The following NELL1 variants were observed in gnomAD, a reference collection of about 807,000 sequenced individuals.
NELL1 encodes the protein protein kinase C-binding protein NELL1.
In NELL1, 76 loss-of-function variants were observed where a neutral mutation model predicts 107.4. The ratio of observed to expected loss-of-function variants is 0.71; its 90% CI spans 0.59 to 0.86. NELL1 has a LOEUF of 0.86. Ranked by LOEUF, NELL1 falls within the 40% of genes least tolerant of loss-of-function variation. NELL1 has a pLI of 0.00. For missense variants in NELL1, 1,024 were observed against 1,005.5 expected (o/e 1.02, Z -0.25); for synonymous variants, 353 against 341.2 (o/e 1.03, Z -0.38).
At chr11:21,230,038 C>G (rs1366926483) in intron 14 of NELL1, among the ~76,000 whole-genome samples, 2 of 152,184 alleles carry the variant, frequency 1.3e-5, no homozygotes, top group Non-Finnish European at 2.9e-5. Context: ...CCTACTGGGT[C>G]CCTGTTATTC....
At chr11:21,248,695 A>G (rs559225190) in intron 14 of NELL1, among the ~76,000 whole-genome samples, 38 of 152,224 alleles carry the variant, frequency 2.5e-4, no homozygotes, top group African/African-American at 7.9e-4. Flanking sequence ...ATGTTTCTCG[A>G]TTTCCTTCTG....
intron 13 of NELL1, among the ~76,000 whole-genome samples, chr11:21,166,263 G>T (rs1856479659): frequency 6.6e-6 from 1 of 151,616 alleles, no homozygotes; most frequent in African/African-American, 2.4e-5. Flanking sequence ...TGAGAAAAGG[G>T]GATGGTTATA....
At chr11:20,973,817 T>G (rs1851550394) in intron 12 of NELL1, among the ~76,000 whole-genome samples, 1 of 152,218 alleles carries the variant, frequency 6.6e-6, no homozygotes, top group South Asian at 2.1e-4. Context: ...TCCCATTCAT[T>G]TCTGGATCTT....
intron 12 of NELL1, among the ~76,000 whole-genome samples, chr11:21,097,948 A>C (rs1854690709): frequency 6.6e-6 from 1 of 151,846 alleles, no homozygotes; most frequent in Non-Finnish European, 1.5e-5. Context: ...AGAAAGAAAA[A>C]CATTTTTAAA....
intron 12 of NELL1, among the ~76,000 whole-genome samples, chr11:20,962,941 A>G (rs1233607261): frequency 1.3e-5 from 2 of 152,198 alleles, no homozygotes; most frequent in Non-Finnish European, 2.9e-5. Flanking sequence ...ATGTAGGAAC[A>G]TAGCTCATGG....
intron 7 of NELL1, among the ~76,000 whole-genome samples, chr11:20,921,846 C>T (rs1448008291): frequency 1.4e-5 from 2 of 144,446 alleles, no homozygotes; most frequent in South Asian, 4.5e-4. Flanking sequence ...ACGCTTTTGG[C>T]TATGAGCTGC....
chr11:21,161,944 CTT>C (rs34422649), intron 13 of NELL1, among the ~76,000 whole-genome samples: 4 of 83,062 alleles, frequency 4.8e-5, no homozygotes, highest in African/African-American at 1.9e-4. Context: ...GGAACATAAT[CTT>C]TTTTTTTTTT....
At chr11:21,306,653 A>C (rs1849611003) in intron 14 of NELL1, among the ~76,000 whole-genome samples, 1 of 151,932 alleles carries the variant, frequency 6.6e-6, no homozygotes, top group African/African-American at 2.4e-5. Context: ...CATCAACTTC[A>C]CCTAATAAAT....
intron 12 of NELL1, among the ~76,000 whole-genome samples, chr11:21,016,903 A>C (rs1852578123): frequency 6.6e-6 from 1 of 152,232 alleles, no homozygotes; most frequent in East Asian, 1.9e-4. Flanking sequence ...TGCAAAGTCC[A>C]AAATCCTGGC....
chr11:21,438,419 T>C (rs1286919592), intron 15 of NELL1, among the ~76,000 whole-genome samples: 3 of 152,218 alleles, frequency 2.0e-5, no homozygotes, highest in Non-Finnish European at 2.9e-5. Context: ...TGTTACAGTT[T>C]GACCGAACTG....
chr11:21,369,711 C>T (rs1196143082), intron 14 of NELL1, among the ~76,000 whole-genome samples: 3 of 151,976 alleles, frequency 2.0e-5, no homozygotes, highest in African/African-American at 7.2e-5. Flanking sequence ...AACATTTGCT[C>T]ACCTATCTTT....
intron 12 of NELL1, among the ~76,000 whole-genome samples, chr11:21,081,859 A>T (rs1854277533): frequency 6.6e-6 from 1 of 152,154 alleles, no homozygotes; most frequent in Admixed American, 6.6e-5. Context: ...TATGAAGGTT[A>T]TCTCATTTAT....
rs140892609 is a variant in NELL1 at position 21,372,752 on chromosome 11, G to GT, written c.1645+1805dup. On this transcript the variant is annotated intron_variant, in intron 15 of 19. Coordinates refer to ENST00000357134, the MANE Select transcript of NELL1 (RefSeq NM_006157.5). The stretch of plus-strand genomic sequence containing the variant: ...AGGATATTTAACCATAGCAACTACT[G>GT]TAACATTCTTATTTTTTTACATTAG... 5.6e-3 allele frequency among the ~76,000 whole-genome samples: 848 copies of GT among 152,082 alleles called. 10 individuals carry two copies. Among genetic ancestry groups the GT allele is most frequent in the African/African-American group, 0.019 (802 of 41,510 alleles).
intron 3 of NELL1, among the ~76,000 whole-genome samples, chr11:20,828,268 C>T (rs191311289): frequency 2.6e-4 from 40 of 151,412 alleles, no homozygotes; most frequent in African/African-American, 9.2e-4. Flanking sequence ...TTAGATCCCA[C>T]GCTTTCTGTC....
rs562125988 is a variant in NELL1 at position 21,487,261 on chromosome 11, C to T, written c.1646-47113C>T. On this transcript the variant is annotated intron_variant, in intron 15 of 19. Coordinates refer to ENST00000357134, the MANE Select transcript of NELL1 (RefSeq NM_006157.5). ...TATAGAGGAACCACCATCAGACTAA[C>T]TGGGGATTTCTCAGCACAATGCAGG... 5.9e-5 allele frequency among the ~76,000 whole-genome samples: 9 copies of T among 152,274 alleles called. No homozygotes were observed. In the East Asian group the frequency reaches 1.5e-3, roughly 26 times the overall value.
intron 15 of NELL1, among the ~76,000 whole-genome samples, chr11:21,459,597 A>G (rs1330849608): frequency 2.7e-5 from 3 of 111,466 alleles, no homozygotes; most frequent in Admixed American, 9.6e-5. Flanking sequence ...CTTTGATGTT[A>G]TATATATGGT....
At chr11:21,239,523 ATCAGTAT>A (rs1284123279) in intron 14 of NELL1, among the ~76,000 whole-genome samples, 5 of 152,062 alleles carry the variant, frequency 3.3e-5, no homozygotes, top group Non-Finnish European at 7.4e-5. Context: ...TGAGACTCAG[ATCAGTAT>A]TCTAATATGT....
rs182806438 is a variant in NELL1 at position 21,132,440 on chromosome 11, G to T, written c.1426+18726G>T. Among the ~76,000 whole-genome samples the T allele has an allele frequency of 3.3e-5, 5 of 152,312 alleles. No individual in the cohort carries two copies. The East Asian group carries it at 7.7e-4, about 24-fold the overall frequency. ...GGCTTGGATCCCACATCTGTCAAGG[G>T]TGAGCCAGGTACAGAGCGGTGAGGG... is the stretch of plus-strand genomic sequence containing the variant. On this transcript the variant is annotated intron_variant, in intron 13 of 19. Coordinates refer to ENST00000357134, the MANE Select transcript of NELL1 (RefSeq NM_006157.5).
rs367816428 is a variant in NELL1 at position 21,278,831 on chromosome 11, A to G, written c.1549+49377A>G. On this transcript the variant is annotated intron_variant, in intron 14 of 19. Coordinates refer to ENST00000357134, the MANE Select transcript of NELL1 (RefSeq NM_006157.5). ...AAAGACTCAGAATAACCAACAGAGT[A>G]CTAAAGGAGAACAAAGGTGAAGAAT... Among the ~76,000 whole-genome samples the G allele has an allele frequency of 1.3e-4, 20 of 152,334 alleles. No individual in the cohort carries two copies. The South Asian group carries it at 4.1e-3, about 32-fold the overall frequency.
Sources: gnomAD v4.1 joint callset for allele counts (sites outside exome capture counted in the v4.1 genomes callset) on GRCh38, gnomAD v4.1.1 for gene constraint, MANE v1.5 for transcripts, NCBI Gene and HGNC (gene_info 2026-07-23, HGNC 2026-07-21) for gene names.